GRM7: variants seen among roughly 807,000 people sequenced by gnomAD.
GRM7 encodes glutamate metabotropic receptor 7.
In GRM7, 35 loss-of-function variants were observed where a neutral mutation model predicts 84.5. The observed-to-expected ratio is 0.41, with a 90% CI of 0.32 to 0.55. The LOEUF (loss-of-function observed/expected upper bound fraction) is 0.55. Ranked by LOEUF, GRM7 falls within the 20% of genes least tolerant of loss-of-function variation. The pLI, the probability that GRM7 is intolerant of heterozygous loss-of-function variation, is 0.19. For synonymous variants in GRM7, 487 were observed against 455.1 expected (o/e 1.07, Z -0.89); for missense variants, 1,003 against 1,194.6 (o/e 0.84, Z 2.36).
At chr3:7,434,814 T>C (rs1401059318) in intron 5 of GRM7, among the ~76,000 whole-genome samples, 1 of 152,178 alleles carries the variant, frequency 6.6e-6, no homozygotes, top group Non-Finnish European at 1.5e-5. Flanking sequence ...AAAAAATGAG[T>C]TAGAAAATGT....
chr3:6,973,486 T>C (rs187703769), intron 1 of GRM7, among the ~76,000 whole-genome samples: 1 of 152,304 alleles, frequency 6.6e-6, no homozygotes, highest in East Asian at 1.9e-4. Context: ...TATGTATGTG[T>C]GTATATTTAC....
intron 2 of GRM7, among the ~76,000 whole-genome samples, chr3:7,276,042 A>G (rs1699038741): frequency 6.6e-6 from 1 of 152,150 alleles, no homozygotes; most frequent in Non-Finnish European, 1.5e-5. Flanking sequence ...TGTTAGGGGC[A>G]GCAGTTTGTC....
chr3:7,362,402 A>G (rs1693704641), intron 4 of GRM7, among the ~76,000 whole-genome samples: 1 of 152,094 alleles, frequency 6.6e-6, no homozygotes, highest in African/African-American at 2.4e-5. Flanking sequence ...ACTATTCTTG[A>G]AAATAATTAT....
At chr3:7,336,150 T>G (rs1701411996) in intron 4 of GRM7, among the ~76,000 whole-genome samples, 1 of 151,848 alleles carries the variant, frequency 6.6e-6, no homozygotes, top group African/African-American at 2.4e-5. Context: ...CTCAACAAAA[T>G]ACTTGTGAAC....
chr3:7,722,512 A>G (rs1337387784), intron 9 of GRM7, among the ~76,000 whole-genome samples: 3 of 149,638 alleles, frequency 2.0e-5, no homozygotes, highest in African/African-American at 4.9e-5. Flanking sequence ...TGGCGATCTC[A>G]GCTCACTGCA....
chr3:6,951,358 T>C (rs1026633150), intron 1 of GRM7, among the ~76,000 whole-genome samples: 9 of 152,316 alleles, frequency 5.9e-5, no homozygotes, highest in South Asian at 4.1e-4. Context: ...TTCTGATCTT[T>C]TAGTGTGAAA....
chr3:7,555,421 A>G (rs1028391282), intron 7 of GRM7, among the ~76,000 whole-genome samples: 3 of 152,180 alleles, frequency 2.0e-5, no homozygotes, highest in African/African-American at 7.2e-5. Context: ...TAGGGCTCCC[A>G]TGACAGCCTA....
At chr3:7,059,897 G>A (rs1423206057) in intron 1 of GRM7, among the ~76,000 whole-genome samples, 1 of 151,818 alleles carries the variant, frequency 6.6e-6, no homozygotes, top group Non-Finnish European at 1.5e-5. Context: ...CCAGAACTAT[G>A]AGAAAGATAT....
At chr3:7,495,781 G>A (rs6766032) in intron 7 of GRM7, among the ~76,000 whole-genome samples, 13,525 of 152,208 alleles carry the variant, frequency 0.089, 895 homozygotes, top group African/African-American at 0.19. Context: ...GACATACTGA[G>A]TCTGGGTCAC....
chr3:7,709,824 C>G lies in GRM7; in HGVS notation c.2698+29529C>G, dbSNP rs1701519646. ...ATTTCTAGACTCCTTATCTCCATTA[C>G]AGGAAGCTGCCTTCCACAGAAGACA... On this transcript the variant is annotated intron_variant, in intron 9 of 9. Coordinates refer to ENST00000357716, the MANE Select transcript of GRM7 (RefSeq NM_000844.4). Among the ~76,000 whole-genome samples, 4 of 152,154 alleles carry G rather than the reference C, an allele frequency of 2.6e-5. 1 individual carries two copies. The South Asian group carries it at 8.3e-4, about 32-fold the overall frequency.
intron 8 of GRM7, among the ~76,000 whole-genome samples, chr3:7,648,630 C>G (rs1698772571): frequency 6.7e-6 from 1 of 148,260 alleles, no homozygotes; most frequent in Admixed American, 6.7e-5. Context: ...GCTTGGGTGA[C>G]AGAGTGATAC....
chr3:6,954,271 CTTG>C (rs1186745683), intron 1 of GRM7, among the ~76,000 whole-genome samples: 1 of 152,022 alleles, frequency 6.6e-6, no homozygotes, highest in East Asian at 1.9e-4. Context: ...GATATAATAC[CTTG>C]TTGTTAACTA....
intron 8 of GRM7, among the ~76,000 whole-genome samples, chr3:7,609,183 AAGAACATTTAC>A (rs1446516340): frequency 6.6e-6 from 1 of 152,168 alleles, no homozygotes; most frequent in Non-Finnish European, 1.5e-5. Flanking sequence ...AGTGGCAAGA[AAGAACATTTAC>A]AGGGACCAAA....
chr3:7,289,825 AG>A (rs973165027), intron 2 of GRM7, among the ~76,000 whole-genome samples: 8 of 138,776 alleles, frequency 5.8e-5, no homozygotes, highest in African/African-American at 2.1e-4. Context: ...ACATGGACAC[AG>A]GAAGGGGAAC....
chr3:7,620,572 C>T (rs977648491), intron 8 of GRM7, among the ~76,000 whole-genome samples: 1 of 152,078 alleles, frequency 6.6e-6, no homozygotes, highest in African/African-American at 2.4e-5. Context: ...TTACACCATA[C>T]CAGGCAGTGC....
intron 1 of GRM7, among the ~76,000 whole-genome samples, chr3:7,055,279 G>A (rs955394146): frequency 2.6e-5 from 4 of 151,568 alleles, no homozygotes; most frequent in South Asian, 4.2e-4. Context: ...TTTCAAGACT[G>A]TTAATACCAA....
chr3:6,979,839 A>G (rs577872797), intron 1 of GRM7, among the ~76,000 whole-genome samples: 88 of 152,298 alleles, frequency 5.8e-4, no homozygotes, highest in African/African-American at 2.1e-3. Context: ...GTAATATAAT[A>G]GGTTATTATC....
chr3:7,232,896 T>C (rs1697238730), intron 2 of GRM7, among the ~76,000 whole-genome samples: 1 of 152,266 alleles, frequency 6.6e-6, no homozygotes, highest in Non-Finnish European at 1.5e-5. Flanking sequence ...GTGACTTCTT[T>C]CTTCGAATCT....
At chr3:7,282,299 A>AT (rs1699279821) in intron 2 of GRM7, among the ~76,000 whole-genome samples, 1 of 152,194 alleles carries the variant, frequency 6.6e-6, no homozygotes, top group African/African-American at 2.4e-5. Flanking sequence ...GTGGTCTAAA[A>AT]TCAACATGTC....
Sources: allele counts gnomAD v4.1 joint callset (sites outside exome capture counted in the v4.1 genomes callset), GRCh38; gene constraint gnomAD v4.1.1; transcripts MANE v1.5; gene names NCBI Gene and HGNC (gene_info 2026-07-23, HGNC 2026-07-21).